Variants in PHF20 observed in about 807,000 individuals in gnomAD.
The protein encoded by PHF20 is glioma-expressed antigen 2.
PHF20 carries 23 observed loss-of-function variants against 113.5 expected under a neutral mutation model. The observed-to-expected ratio is 0.20, with a 90% confidence interval of 0.15 to 0.29. PHF20 has a LOEUF of 0.29. PHF20 is among the 10% of genes least tolerant of loss of function. The pLI is 1.00. For missense variants in PHF20, 943 were observed against 1,219.6 expected (o/e 0.77, Z 3.38); for synonymous variants, 434 against 457.3 (o/e 0.95, Z 0.65).
chr20:35,847,924 A>C (rs368045225), intron 4 of PHF20, among the ~76,000 whole-genome samples: 4 of 152,320 alleles, frequency 2.6e-5, no homozygotes, highest in African/African-American at 7.2e-5. Flanking sequence ...AGAGTTGAAC[A>C]TGTGAAGAGA....
chr20:35,936,607 G>C (rs528858121), intron 15 of PHF20, among the ~76,000 whole-genome samples: 1 of 152,190 alleles, frequency 6.6e-6, no homozygotes, highest in Admixed American at 6.5e-5. Context: ...TCTTTGGAAT[G>C]GTGCGAATAA....
At chr20:35,833,812 C>T (rs2042392867) in intron 2 of PHF20, among the ~76,000 whole-genome samples, 1 of 152,122 alleles carries the variant, frequency 6.6e-6, no homozygotes, top group East Asian at 1.9e-4. Flanking sequence ...GTAATCCCAG[C>T]ACTTTGGGAG....
Position 35,899,432 on chromosome 20 carries a change from G to T in PHF20, c.1345G>T (p.Asp449Tyr). ...ATCTAATGCACCAGCTGTCGACCTA[G>T]ACCATAAGTTTAGATGCAAAGTTGT... ...GSSNAPAVDL[D>Y]HKFRCKVVDC... The change falls in exon 10 of 18, where the codon GAC becomes TAC. Residue 449 changes from aspartate (D) to tyrosine (Y), a missense_variant. Asp to Tyr is a radical substitution (Grantham distance 160). Transcript: ENST00000374012. 6.2e-7 allele frequency: 1 copy of T among 1,613,984 alleles called. No homozygotes were observed. Among genetic ancestry groups the T allele is most frequent in the South Asian group, 1.1e-5 (1 of 91,056 alleles).
rs1214814923 is a variant in PHF20, at chr20:35,931,287, T to G, written c.2143T>G (p.Trp715Gly). ...PGFKYWYDKE[W>G]LSRGHMHGLA... is the part of the protein sequence containing the mutation. ...CTTCAAGTACTGGTATGACAAGGAG[T>G]GGCTGAGCAGGGGACATATGCATGG... is the stretch of plus-strand genomic sequence containing the variant. The change falls in exon 15 of 18, where the codon TGG (tryptophan) becomes GGG (glycine). Residue 715 changes from tryptophan (W) to glycine (G), a missense_variant. Trp to Gly is a radical substitution (Grantham distance 184, BLOSUM62 -2). Around this residue, in one of 3 missense-constraint regions of PHF20, gnomAD observed 349 missense variants for 412.3 expected, o/e 0.85. Transcript: ENST00000374012. 1 of 1,613,382 alleles carries G rather than the reference T, an allele frequency of 6.2e-7. No individual in the cohort carries two copies.
Position 35,863,359 on chromosome 20 carries a change from C to G in PHF20, c.767C>G (p.Pro256Arg), listed in dbSNP as rs1394749451. ...VKSPQENLRE[P>R]KRKRGRPPSI... ...AGTCCACAAGAAAACTTGAGGGAAC[C>G]CAAAAGAAAACGAGGCAGACCCCCT... is the stretch of plus-strand genomic sequence containing the variant. The change falls in exon 6 of 18, where the codon CCC (proline) becomes CGC (arginine). Residue 256 changes from proline (P) to arginine (R), a missense_variant. Around this residue, in one of 3 missense-constraint regions of PHF20, gnomAD observed 592 missense variants for 787.2 expected, o/e 0.75. Coordinates refer to ENST00000374012, the MANE Select transcript of PHF20 (RefSeq NM_016436.5). 1 of 1,607,804 alleles carries G rather than the reference C, an allele frequency of 6.2e-7. No individual in the cohort carries two copies. The highest frequency in any genetic ancestry group is 1.7e-5 in the Admixed American group (1 of 57,962).
intron 9 of PHF20, among the ~76,000 whole-genome samples, chr20:35,886,695 T>C (rs553018608): frequency 6.6e-6 from 1 of 152,116 alleles, no homozygotes; most frequent in Non-Finnish European, 1.5e-5. Context: ...GTGCTGATGA[T>C]GAGGTAGAGC....
intron 9 of PHF20, among the ~76,000 whole-genome samples, chr20:35,893,645 G>T (rs2054920270): frequency 6.6e-6 from 1 of 151,432 alleles, no homozygotes; most frequent in South Asian, 2.1e-4. Flanking sequence ...ACAGAGTTTG[G>T]CTCTTGTTGC....
At chr20:35,779,467 G>C (rs1371114372) in intron 1 of PHF20, among the ~76,000 whole-genome samples, 2 of 151,922 alleles carry the variant, frequency 1.3e-5, no homozygotes, top group Non-Finnish European at 2.9e-5. Flanking sequence ...TGATTTTCAA[G>C]AGGTCTCTTT....
At chr20:35,871,932 T>A in intron 9 of PHF20, 103 bp downstream of exon 9, 1 of 775,510 alleles carries the variant, frequency 1.3e-6, no homozygotes, top group Non-Finnish European at 2.0e-6. Context: ...GTTTTTCACC[T>A]TTTATTAATA....
intron 10 of PHF20, among the ~76,000 whole-genome samples, chr20:35,906,946 T>G (rs562865634): frequency 1.3e-5 from 2 of 151,696 alleles, no homozygotes; most frequent in African/African-American, 4.8e-5. Flanking sequence ...GGAGATGAGA[T>G]TGGGAAGGTA....
intron 11 of PHF20, 64 bp downstream of exon 11, chr20:35,913,411 C>G: frequency 8.8e-7 from 1 of 1,137,394 alleles, no homozygotes. Context: ...GGGTTGCTTT[C>G]TCCCATTATG....
At chr20:35,878,412 T>C (rs747481042) in intron 9 of PHF20, 122 of 451,662 alleles carry the variant, frequency 2.7e-4, no homozygotes, top group Middle Eastern at 5.7e-4. Context: ...GGTTGGCGTG[T>C]GCGAGATTTT....
At chr20:35,796,203 T>G (rs551888194) in intron 1 of PHF20, among the ~76,000 whole-genome samples, 1 of 152,140 alleles carries the variant, frequency 6.6e-6, no homozygotes, top group Non-Finnish European at 1.5e-5. Context: ...TTATTTTACA[T>G]CTACTCTCTG....
intron 1 of PHF20, among the ~76,000 whole-genome samples, chr20:35,781,831 G>T (rs2041303729): frequency 6.6e-6 from 1 of 152,152 alleles, no homozygotes; most frequent in Non-Finnish European, 1.5e-5. Flanking sequence ...TGTGATCCCA[G>T]CCACTAGGGA....
At chr20:35,937,916 G>C (rs6058374) in intron 15 of PHF20, among the ~76,000 whole-genome samples, 14,785 of 151,996 alleles carry the variant, frequency 0.097, 777 homozygotes, top group Middle Eastern at 0.15. Context: ...CTGTCGCCCA[G>C]GCTGGAGTGC....
intron 1 of PHF20, among the ~76,000 whole-genome samples, chr20:35,791,443 ATCTATC>A (rs2041546155): frequency 7.0e-5 from 1 of 14,256 alleles, no homozygotes; most frequent in Non-Finnish European, 2.2e-4. Flanking sequence ...CCAGAATAGT[ATCTATC>A]TATCTATCTA....
intron 3 of PHF20, among the ~76,000 whole-genome samples, chr20:35,843,094 G>T (rs893633312): frequency 2.2e-4 from 34 of 152,072 alleles, no homozygotes; most frequent in Non-Finnish European, 3.1e-4. Flanking sequence ...TAGAGATGGG[G>T]TTTTGCCATC....
chr20:35,950,224 A>G lies in PHF20; in HGVS notation c.*2597A>G, dbSNP rs535773861. The G allele has an allele frequency of 2.0e-4, 30 of 152,778 alleles. No individual in the cohort carries two copies. The highest frequency in any genetic ancestry group is 7.0e-4 in the African/African-American group (29 of 41,584). 9.5% of individuals were successfully genotyped at this position (152,778 alleles called of 1,614,324 possible). A position where few individuals can be genotyped will look rare whatever the true frequency, so the allele number is the denominator to read the frequency against. The stretch of plus-strand genomic sequence containing the variant: ...TGCAAGGTGGATCCTTGATGAGCCA[A>G]CATTGCACTGTGGATACATATCTAT... On this transcript the variant is annotated 3_prime_UTR_variant, in exon 18 of 18. Transcript: ENST00000374012.
intron 9 of PHF20, among the ~76,000 whole-genome samples, chr20:35,874,849 G>A (rs758740743): frequency 2.0e-5 from 3 of 151,944 alleles, no homozygotes; most frequent in Admixed American, 1.3e-4. Flanking sequence ...ACTCTGGGAG[G>A]TTGAGACTGG....
Sources: allele counts gnomAD v4.1 joint callset (sites outside exome capture counted in the v4.1 genomes callset), GRCh38; gene constraint gnomAD v4.1.1; regional missense constraint gnomAD v4.1.1; transcripts MANE v1.5; gene names NCBI Gene and HGNC (gene_info 2026-07-23, HGNC 2026-07-21).